Variants in ACBD6 observed in about 807,000 individuals in gnomAD.
ACBD6 encodes the protein acyl-CoA-binding domain-containing protein 6.
In ACBD6, 28 loss-of-function variants were observed where a neutral mutation model predicts 37.2. The ratio of observed to expected loss-of-function variants is 0.75; its 90% CI spans 0.56 to 1.03. The LOEUF is 1.03. ACBD6 is among the 50% of genes least tolerant of loss of function. ACBD6 has a pLI of 0.00. For missense variants in ACBD6, 340 were observed against 337.4 expected, an observed-to-expected ratio of 1.01 and a Z score of -0.06; for synonymous variants, 113 against 126.8, an observed-to-expected ratio of 0.89 and a Z score of 0.73.
downstream of ACBD6, among the ~76,000 whole-genome samples, chr1:180,286,830 T>A (rs1649518174): frequency 6.6e-6 from 1 of 152,184 alleles, no homozygotes; most frequent in Non-Finnish European, 1.5e-5. Context: ...CTCATTTCTG[T>A]TATAGAGGGG....
chr1:180,501,805 A>C (rs937146721), intron 1 of ACBD6, among the ~76,000 whole-genome samples: 5 of 152,096 alleles, frequency 3.3e-5, no homozygotes, highest in African/African-American at 1.2e-4. Context: ...AGAGAAAAAA[A>C]CACAAAAACA....
At chr1:180,399,330 G>A (rs951583755) in intron 5 of ACBD6, among the ~76,000 whole-genome samples, 3 of 152,050 alleles carry the variant, frequency 2.0e-5, no homozygotes, top group Admixed American at 6.6e-5. Flanking sequence ...GTGCAGTGGC[G>A]GGATCTCCGC....
chr1:180,320,456 C>T (rs563733308), intron 6 of ACBD6, among the ~76,000 whole-genome samples: 93 of 151,750 alleles, frequency 6.1e-4, no homozygotes, highest in African/African-American at 1.3e-3. Context: ...GCCAACATGG[C>T]GAAACCCCAT....
At chr1:180,406,722 A>T (rs192883741) in intron 5 of ACBD6, among the ~76,000 whole-genome samples, 239 of 152,304 alleles carry the variant, frequency 1.6e-3, no homozygotes, top group Non-Finnish European at 2.6e-3. Context: ...TGCAATAAAC[A>T]TGACTTTTAG....
intron 1 of ACBD6, among the ~76,000 whole-genome samples, chr1:180,501,606 C>A (rs189807263): frequency 2.2e-3 from 342 of 152,326 alleles, no homozygotes; most frequent in Admixed American, 3.9e-3. Context: ...CCGTGAGCAA[C>A]CACGCCCAGC....
At chr1:180,463,537 G>T (rs760272499) in intron 3 of ACBD6, among the ~76,000 whole-genome samples, 2 of 151,824 alleles carry the variant, frequency 1.3e-5, no homozygotes, top group African/African-American at 4.8e-5. Context: ...GACGAATAAC[G>T]AGCTCTGAAG....
At chr1:180,393,359 A>G (rs964385664) in intron 6 of ACBD6, among the ~76,000 whole-genome samples, 4 of 152,228 alleles carry the variant, frequency 2.6e-5, no homozygotes, top group Admixed American at 2.0e-4. Context: ...TGACAGGAAA[A>G]CACAGAGTAG....
At chr1:180,479,341 G>A (rs142077355) in intron 3 of ACBD6, among the ~76,000 whole-genome samples, 4 of 152,272 alleles carry the variant, frequency 2.6e-5, no homozygotes, top group Admixed American at 2.0e-4. Flanking sequence ...GTTATTTGCA[G>A]CAACATGGAT....
chr1:180,456,027 A>T (rs1649905855), intron 3 of ACBD6, among the ~76,000 whole-genome samples: 1 of 152,116 alleles, frequency 6.6e-6, no homozygotes, highest in Non-Finnish European at 1.5e-5. Flanking sequence ...CCGGGCCAAC[A>T]TGGTGAAATC....
At chr1:180,376,608 A>C (rs1653445759) in intron 6 of ACBD6, among the ~76,000 whole-genome samples, 1 of 152,228 alleles carries the variant, frequency 6.6e-6, no homozygotes, top group African/African-American at 2.4e-5. Context: ...CATGTAAAAA[A>C]AATGGGATAT....
chr1:180,338,084 C>T (rs1012439468), intron 6 of ACBD6, among the ~76,000 whole-genome samples: 2 of 152,158 alleles, frequency 1.3e-5, no homozygotes, highest in East Asian at 1.9e-4. Flanking sequence ...AGAATCAATA[C>T]CGTGAAAATG....
chr1:180,302,151 G>A lies in ACBD6; in HGVS notation c.694+12541C>T, dbSNP rs187640593. On this transcript the variant is annotated intron_variant, in intron 7 of 7. Coordinates refer to ENST00000367595, the MANE Select transcript of ACBD6 (RefSeq NM_032360.4). ...GTATACATATGTAACAAACCTGCATGTTGTGCACATGTAACCTAGAACTTA... is the reference window on the plus strand; with the variant it reads ...GTATACATATGTAACAAACCTGCATATTGTGCACATGTAACCTAGAACTTA... 8.1e-4 allele frequency among the ~76,000 whole-genome samples: 123 copies of A among 151,980 alleles called. 1 individual carries two copies. Among genetic ancestry groups the A allele is most frequent in the African/African-American group, 2.9e-3 (119 of 41,444 alleles).
intron 4 of ACBD6, among the ~76,000 whole-genome samples, chr1:180,429,681 G>A (rs1648734067): frequency 6.6e-6 from 1 of 151,974 alleles, no homozygotes; most frequent in South Asian, 2.1e-4. Context: ...CACAGTGGCT[G>A]TATCATTTTA....
intron 3 of ACBD6, among the ~76,000 whole-genome samples, chr1:180,489,149 G>C (rs976347258): frequency 3.3e-5 from 5 of 151,892 alleles, no homozygotes; most frequent in Admixed American, 6.6e-5. Flanking sequence ...CTGGGTGACA[G>C]AGAGAGACTC....
chr1:180,476,471 T>C (rs1013792327), intron 3 of ACBD6, among the ~76,000 whole-genome samples: 33 of 152,252 alleles, frequency 2.2e-4, no homozygotes, highest in African/African-American at 7.5e-4. Context: ...AATACAATGC[T>C]TCTTTTCCTC....
exon 14 of ACBD6, chr1:180,270,814 A>T (rs2149265773): frequency 6.1e-6 from 1 of 164,670 alleles, no homozygotes; most frequent in African/African-American, 2.4e-5. Flanking sequence ...GTGACTTTAC[A>T]GCCCACGAGT....
At chr1:180,489,034 GT>G (rs1651386289) in intron 3 of ACBD6, among the ~76,000 whole-genome samples, 2 of 152,122 alleles carry the variant, frequency 1.3e-5, no homozygotes, top group Admixed American at 1.3e-4. Context: ...TTCAGGCCAG[GT>G]GCAGTGGCTC....
At chr1:180,300,285 AACTG>A (rs1401045679) in intron 7 of ACBD6, among the ~76,000 whole-genome samples, 10 of 152,318 alleles carry the variant, frequency 6.6e-5, no homozygotes, top group Middle Eastern at 3.4e-3. Flanking sequence ...AACAAATAAT[AACTG>A]ACTGCCCACT....
downstream of ACBD6, among the ~76,000 whole-genome samples, chr1:180,284,475 T>C (rs1649410768): frequency 6.6e-6 from 1 of 151,982 alleles, no homozygotes; most frequent in South Asian, 2.1e-4. Flanking sequence ...GTGATTCTCC[T>C]GCCTTAGCTT....
Sources: allele counts gnomAD v4.1 joint callset (sites outside exome capture counted in the v4.1 genomes callset), GRCh38; gene constraint gnomAD v4.1.1; transcripts MANE v1.5; gene names NCBI Gene and HGNC (gene_info 2026-07-23, HGNC 2026-07-21).